The following TAFA1 variants were observed in gnomAD, a reference collection of about 807,000 sequenced individuals.
TAFA1 encodes the protein TAFA chemokine like family member 1, also known as chemokine-like protein TAFA-1.
TAFA1 carries 4 observed loss-of-function variants against 18.5 expected under a neutral mutation model. That is an observed-to-expected ratio of 0.22 (90% CI 0.11 to 0.49). TAFA1 has a LOEUF of 0.49. TAFA1 is among the 20% of genes least tolerant of loss of function. The probability of loss-of-function intolerance (pLI) is 0.98; values close to 1 mark genes in which losing one functional copy is unlikely to be tolerated. For synonymous variants in TAFA1, 56 were observed against 55.2 expected (o/e 1.01, Z -0.06); for missense variants, 147 against 169.0 (o/e 0.87, Z 0.72).
At chr3:68,417,666 C>A (rs1392828360) in intron 3 of TAFA1, 4 of 463,060 alleles carry the variant, frequency 8.6e-6, no homozygotes, top group Admixed American at 7.4e-5. Flanking sequence ...GAGGTGGGAC[C>A]TTTGAGAGGT....
chr3:68,350,564 T>C (rs1332205481), intron 2 of TAFA1, among the ~76,000 whole-genome samples: 1 of 152,154 alleles, frequency 6.6e-6, no homozygotes, highest in African/African-American at 2.4e-5. Context: ...AGGTATTTCT[T>C]ATACACTATA....
At chr3:68,428,385 C>G (rs901101477) in intron 3 of TAFA1, among the ~76,000 whole-genome samples, 1 of 151,942 alleles carries the variant, frequency 6.6e-6, no homozygotes, top group Non-Finnish European at 1.5e-5. Flanking sequence ...CATCCATTAA[C>G]AGCAGCTAGA....
chr3:68,497,076 TG>T (rs1277701741), intron 3 of TAFA1, among the ~76,000 whole-genome samples: 2 of 152,140 alleles, frequency 1.3e-5, no homozygotes, highest in Non-Finnish European at 2.9e-5. Flanking sequence ...CCTTGTACAT[TG>T]TAAGTGTTTG....
chr3:68,092,935 T>C (rs1200293861), intron 2 of TAFA1, among the ~76,000 whole-genome samples: 1 of 152,176 alleles, frequency 6.6e-6, no homozygotes, highest in African/African-American at 2.4e-5. Context: ...TGGGAAAAAC[T>C]TAATTTTAAG....
At chr3:68,412,776 T>C (rs1197504990) in intron 2 of TAFA1, among the ~76,000 whole-genome samples, 3 of 152,166 alleles carry the variant, frequency 2.0e-5, no homozygotes, top group African/African-American at 4.8e-5. Context: ...CAGTCTATCA[T>C]TGGTGGACAT....
chr3:68,501,649 G>T (rs1162707418), intron 3 of TAFA1, among the ~76,000 whole-genome samples: 3 of 152,202 alleles, frequency 2.0e-5, no homozygotes, highest in African/African-American at 7.2e-5. Flanking sequence ...GTAAGTTGCA[G>T]AGAGTTGGAA....
At chr3:68,533,585 G>C (rs62246067) in intron 3 of TAFA1, among the ~76,000 whole-genome samples, 1 of 152,158 alleles carries the variant, frequency 6.6e-6, no homozygotes, top group Non-Finnish European at 1.5e-5. Flanking sequence ...GATTCGCCTT[G>C]TGCTTTCAGT....
intron 2 of TAFA1, among the ~76,000 whole-genome samples, chr3:68,185,443 A>G (rs763668456): frequency 6.6e-6 from 1 of 152,102 alleles, no homozygotes; most frequent in Non-Finnish European, 1.5e-5. Context: ...TGGTATTTTC[A>G]TAACATTTTC....
intron 2 of TAFA1, among the ~76,000 whole-genome samples, chr3:68,382,934 C>CTGTAT (rs2070006478): frequency 6.6e-6 from 1 of 151,984 alleles, no homozygotes; most frequent in Non-Finnish European, 1.5e-5. Context: ...CTCTGGTTAG[C>CTGTAT]TGTATTCCCA....
intron 3 of TAFA1, among the ~76,000 whole-genome samples, chr3:68,491,208 T>C (rs2072446367): frequency 6.6e-6 from 1 of 152,174 alleles, no homozygotes; most frequent in South Asian, 2.1e-4. Context: ...CAAAGGATTA[T>C]AAAACATGCT....
intron 3 of TAFA1, among the ~76,000 whole-genome samples, chr3:68,537,362 A>G (rs1236094361): frequency 6.6e-6 from 1 of 152,202 alleles, no homozygotes; most frequent in African/African-American, 2.4e-5. Context: ...AAAAACTTAC[A>G]TACTATCTTG....
At chr3:68,482,783 C>A (rs1476189901) in intron 3 of TAFA1, among the ~76,000 whole-genome samples, 2 of 152,116 alleles carry the variant, frequency 1.3e-5, no homozygotes, top group Non-Finnish European at 2.9e-5. Context: ...TTTCGGAGCT[C>A]CTGGAAGCCT....
chr3:68,398,931 G>C (rs1031599184), intron 2 of TAFA1, among the ~76,000 whole-genome samples: 1 of 152,064 alleles, frequency 6.6e-6, no homozygotes, highest in Non-Finnish European at 1.5e-5. Flanking sequence ...TTTAAATAAA[G>C]TAGAAAAATT....
chr3:68,154,023 G>C (rs1352490516), intron 2 of TAFA1, among the ~76,000 whole-genome samples: 1 of 152,156 alleles, frequency 6.6e-6, no homozygotes. Flanking sequence ...ATGCTAGCCA[G>C]CTTAATGAAC....
intron 2 of TAFA1, among the ~76,000 whole-genome samples, chr3:68,025,456 G>A (rs1266258434): frequency 6.6e-6 from 1 of 152,112 alleles, no homozygotes; most frequent in South Asian, 2.1e-4. Flanking sequence ...AGATGGTGAG[G>A]TTAAAAAGTT....
the TAFA1 span, among the ~76,000 whole-genome samples, chr3:67,997,122 G>A: frequency 9.2e-5 from 14 of 152,196 alleles, no homozygotes; most frequent in African/African-American, 2.9e-4. Flanking sequence ...ACAGAGCAAG[G>A]ATTTTTCAAA....
At chr3:68,105,449 T>C (rs2065192477) in intron 2 of TAFA1, among the ~76,000 whole-genome samples, 1 of 152,110 alleles carries the variant, frequency 6.6e-6, no homozygotes, top group Admixed American at 6.6e-5. Context: ...ATTTGAAAAA[T>C]ATCACAAAAT....
chr3:68,249,259 T>G lies in TAFA1; in HGVS notation c.119-168021T>G, dbSNP rs2067144471. Among the ~76,000 whole-genome samples the G allele has an allele frequency of 2.0e-5, 3 of 152,338 alleles. No homozygotes were observed. In the South Asian group the frequency reaches 6.2e-4, roughly 32 times the overall value. Reference sequence around the variant, plus strand: ...CCAGGACTTGATCTCCCCTAGTCCCTGACTCTGCCTTTCCCATGTTGCCCT... The same window carrying G: ...CCAGGACTTGATCTCCCCTAGTCCCGGACTCTGCCTTTCCCATGTTGCCCT... On this transcript the variant is annotated intron_variant, in intron 2 of 4. Transcript: ENST00000478136.
At chr3:68,418,245 C>A (rs886601033) in intron 3 of TAFA1, among the ~76,000 whole-genome samples, 2 of 151,818 alleles carry the variant, frequency 1.3e-5, no homozygotes, top group Non-Finnish European at 2.9e-5. Context: ...AGATAGTCAG[C>A]AAAGGGAGAT....
Sources: allele counts gnomAD v4.1 joint callset (sites outside exome capture counted in the v4.1 genomes callset), GRCh38; gene constraint gnomAD v4.1.1; transcripts MANE v1.5; gene names NCBI Gene and HGNC (gene_info 2026-07-23, HGNC 2026-07-21).